TANK: variants seen among roughly 807,000 people sequenced by gnomAD.
TANK encodes TRAF family member associated NFKB activator, also known as TRAF family member-associated NF-kappa-B activator.
A neutral mutation model predicts 43.6 loss-of-function variants in TANK; 15 were observed. That is an observed-to-expected ratio of 0.34 (90% CI 0.23 to 0.53). The LOEUF (loss-of-function observed/expected upper bound fraction) is 0.53. TANK is among the 20% of genes least tolerant of loss of function. TANK has a pLI of 0.94. For synonymous variants in TANK, 162 were observed against 178.2 expected (o/e 0.91, Z 0.73); for missense variants, 417 against 498.6 (o/e 0.84, Z 1.56).
intron 6 of TANK, among the ~76,000 whole-genome samples, chr2:161,229,244 T>A (rs1219001609): frequency 6.6e-6 from 1 of 152,152 alleles, no homozygotes; most frequent in Non-Finnish European, 1.5e-5. Context: ...CTATACAAAG[T>A]TCATTATAGC....
intron 4 of TANK, 179 bp from the exon 5 acceptor site, chr2:161,223,736 A>AT: frequency 5.1e-6 from 2 of 391,582 alleles, no homozygotes; most frequent in Non-Finnish European, 9.4e-6. Flanking sequence ...TTTTTCCTTG[A>AT]TTTTTCTCAT....
rs910506608 is a variant in TANK at position 161,161,749 on chromosome 2, CACTT to C, written c.-50+1267_-50+1270del. The stretch of plus-strand genomic sequence containing the variant: ...GATGTACCAAATTATAGTTAACTGT[CACTT>C]ACTATGTCCTGTCCGTATATATTGC... On this transcript the variant is annotated intron_variant, in intron 1 of 7. Transcript: ENST00000392749. The C allele has an allele frequency of 2.3e-4, 51 of 224,832 alleles. No homozygotes were observed. The Middle Eastern group carries it at 5.2e-3, about 23-fold the overall frequency. The allele number at this position is 224,832 out of a possible 1,614,324, so 13.9% of individuals were successfully genotyped here.
In TANK at chr2:161,195,320, A is replaced by T. The variant is rs567594402; in HGVS notation, c.100-8167A>T. ...AGAGACTAATCAAACAATCTCACAAATATAGCTTGAAACTCTGATCAAAGT... is the reference window on the plus strand; with the variant it reads ...AGAGACTAATCAAACAATCTCACAATTATAGCTTGAAACTCTGATCAAAGT... On this transcript the variant is annotated intron_variant, in intron 2 of 7. Transcript: ENST00000392749. Among the ~76,000 whole-genome samples the T allele has an allele frequency of 7.9e-5, 12 of 152,278 alleles. No homozygotes were observed. In the South Asian group the frequency reaches 2.5e-3, roughly 32 times the overall value.
chr2:161,223,689 A>T (rs55650000), intron 4 of TANK: 3,576 of 330,788 alleles, frequency 0.011, 28 homozygotes, highest in Non-Finnish European at 0.014. Context: ...GTTACCAGAA[A>T]TATTTCATCT....
chr2:161,202,161 T>C (rs1686442555), intron 2 of TANK, among the ~76,000 whole-genome samples: 1 of 151,006 alleles, frequency 6.6e-6, no homozygotes, highest in African/African-American at 2.4e-5. Flanking sequence ...TTTGGGAAAA[T>C]GTAGTATTTA....
chr2:161,211,739 A>G, intron 4 of TANK: 2 of 985,016 alleles, frequency 2.0e-6, no homozygotes, highest in East Asian at 1.1e-4. Flanking sequence ...TCATACAGAA[A>G]TGGTGATTAT....
chr2:161,192,669 G>A (rs1334011153), intron 2 of TANK, among the ~76,000 whole-genome samples: 8 of 152,156 alleles, frequency 5.3e-5, no homozygotes, highest in African/African-American at 1.9e-4. Flanking sequence ...CAAATACACA[G>A]AAGCAGTCTT....
At chr2:161,169,566 A>G (rs1684851696) in intron 1 of TANK, among the ~76,000 whole-genome samples, 1 of 152,204 alleles carries the variant, frequency 6.6e-6, no homozygotes, top group South Asian at 2.1e-4. Flanking sequence ...ATTACATGTT[A>G]TTTAGGGATA....
intron 1 of TANK, among the ~76,000 whole-genome samples, chr2:161,150,518 A>G (rs971889660): frequency 6.7e-6 from 1 of 148,292 alleles, no homozygotes; most frequent in Non-Finnish European, 1.5e-5. Flanking sequence ...CTAGCTTTCA[A>G]TTTAGTTTGC....
chr2:161,171,064 T>C (rs1684920056), intron 1 of TANK, among the ~76,000 whole-genome samples: 1 of 152,208 alleles, frequency 6.6e-6, no homozygotes, highest in South Asian at 2.1e-4. Context: ...AACTATTACT[T>C]CCCCACAGTA....
upstream of TANK, chr2:161,156,130 C>T: frequency 5.1e-6 from 5 of 985,322 alleles, no homozygotes; most frequent in Non-Finnish European, 6.0e-6. Flanking sequence ...GTTCTATTTA[C>T]CCCAATTTCT....
chr2:161,220,674 A>G (rs986369049), intron 4 of TANK, among the ~76,000 whole-genome samples: 1 of 152,224 alleles, frequency 6.6e-6, no homozygotes, highest in South Asian at 2.1e-4. Context: ...TTTTTAAGAA[A>G]AAATATGGTT....
chr2:161,180,703 C>T (rs1013127039), intron 2 of TANK, among the ~76,000 whole-genome samples: 6 of 152,066 alleles, frequency 3.9e-5, no homozygotes, highest in Non-Finnish European at 8.8e-5. Context: ...TGCAACTCAA[C>T]ATTGGATCAT....
chr2:161,192,472 T>C (rs949573982), intron 2 of TANK, among the ~76,000 whole-genome samples: 1 of 152,238 alleles, frequency 6.6e-6, no homozygotes, highest in East Asian at 1.9e-4. Flanking sequence ...TTTTCTCTTT[T>C]AGTTCTAGAC....
At chr2:161,189,240 C>T (rs909696636) in intron 2 of TANK, among the ~76,000 whole-genome samples, 9 of 152,066 alleles carry the variant, frequency 5.9e-5, no homozygotes, top group African/African-American at 2.2e-4. Context: ...GCATACAAAA[C>T]TAGTCATGAT....
chr2:161,232,960 A>G (rs1687994082), intron 7 of TANK: 10 of 1,118,178 alleles, frequency 8.9e-6, no homozygotes, highest in Non-Finnish European at 1.2e-5. Context: ...AGACCATGTT[A>G]CAGTTTAGGA....
chr2:161,154,889 C>A (rs370290281), intron 1 of TANK, among the ~76,000 whole-genome samples: 1 of 151,872 alleles, frequency 6.6e-6, no homozygotes, highest in Non-Finnish European at 1.5e-5. Context: ...GGATTACAGA[C>A]GTGTACCACA....
rs150280469 is a variant in TANK at position 161,202,776 on chromosome 2, C to T, written c.100-711C>T. The T allele has an allele frequency of 9.5e-5, 40 of 420,896 alleles. No individual in the cohort carries two copies. In the East Asian group the frequency reaches 2.2e-3, roughly 23 times the overall value. 26.1% of individuals were successfully genotyped at this position (420,896 alleles called of 1,614,324 possible). A position where few individuals can be genotyped will look rare whatever the true frequency, so the allele number is the denominator to read the frequency against. ...CTGTACTAATTTGGTAATTGTGATA[C>T]AACAGTTTCAAATTTGCTTGAATGT... On this transcript the variant is annotated intron_variant, in intron 2 of 7. Coordinates refer to ENST00000392749, the MANE Select transcript of TANK (RefSeq NM_001199135.3).
intron 1 of TANK, among the ~76,000 whole-genome samples, chr2:161,176,831 G>A (rs1440178640): frequency 1.3e-5 from 2 of 152,088 alleles, no homozygotes; most frequent in African/African-American, 2.4e-5. Flanking sequence ...AGGTACAGGT[G>A]TGGTTTATAT....
Sources: gnomAD v4.1 joint callset for allele counts (sites outside exome capture counted in the v4.1 genomes callset) on GRCh38, gnomAD v4.1.1 for gene constraint, MANE v1.5 for transcripts, NCBI Gene and HGNC (gene_info 2026-07-23, HGNC 2026-07-21) for gene names.